Variants in MARK3 observed in about 807,000 individuals in gnomAD.
MARK3 encodes microtubule affinity regulating kinase 3.
A neutral mutation model predicts 90.1 loss-of-function variants in MARK3; 46 were observed. That is an observed-to-expected ratio of 0.51 (90% confidence interval 0.40 to 0.65). The LOEUF is 0.65. MARK3 is among the 30% of genes least tolerant of loss of function. MARK3 has a pLI of 0.00. For synonymous variants in MARK3, 321 were observed against 332.6 expected, an observed-to-expected ratio of 0.97 and a Z score of 0.38; for missense variants, 818 against 947.2, an observed-to-expected ratio of 0.86 and a Z score of 1.79.
intron 14 of MARK3, among the ~76,000 whole-genome samples, chr14:103,484,696 G>A (rs896840557): frequency 2.0e-5 from 3 of 152,154 alleles, no homozygotes; most frequent in Non-Finnish European, 4.4e-5. Context: ...ATTTTAGGAG[G>A]CTGAGGCAGG....
intron 2 of MARK3, among the ~76,000 whole-genome samples, chr14:103,408,376 A>AG (rs1302356105): frequency 2.0e-5 from 3 of 152,018 alleles, no homozygotes; most frequent in African/African-American, 7.3e-5. Flanking sequence ...TTTAGTAGAG[A>AG]GGGGGTTTCA....
chr14:103,405,266 A>C lies in MARK3; in HGVS notation c.242A>C (p.Glu81Ala). 1 of 1,523,382 alleles carries C rather than the reference A, an allele frequency of 6.6e-7. No homozygotes were observed. Among genetic ancestry groups the C allele is most frequent in the Non-Finnish European group, 8.8e-7 (1 of 1,138,340 alleles). 94.4% of individuals were successfully genotyped at this position (1,523,382 alleles called of 1,614,324 possible). A position where few individuals can be genotyped will look rare whatever the true frequency, so the allele number is the denominator to read the frequency against. Reference sequence around the variant, plus strand: ...GCAAGACATATCCTTACAGGCAGAGAGGTAAATACCAGTTATGCTTATTTC... The same window carrying C: ...GCAAGACATATCCTTACAGGCAGAGCGGTAAATACCAGTTATGCTTATTTC... ...KLARHILTGREVAIKIIDKTQ... is the reference protein window; with the variant it reads ...KLARHILTGRAVAIKIIDKTQ... The change falls in exon 2 of 18, where the codon GAG becomes GCG. Residue 81 changes from glutamate (E) to alanine (A), a missense_variant and splice_region_variant. Glu to Ala is a moderately radical substitution (Grantham distance 107). Around this residue, in one of 3 missense-constraint regions of MARK3, gnomAD observed 157 missense variants for 158.7 expected, o/e 0.99. Coordinates refer to ENST00000429436, the MANE Select transcript of MARK3 (RefSeq NM_001128918.3).
chr14:103,402,140 CA>C (rs1320699530), intron 1 of MARK3, among the ~76,000 whole-genome samples: 2 of 152,120 alleles, frequency 1.3e-5, no homozygotes, highest in African/African-American at 2.4e-5. Flanking sequence ...GAACAAAACA[CA>C]AAAAGCCTGT....
intron 1 of MARK3, among the ~76,000 whole-genome samples, chr14:103,389,528 CAAA>C (rs67737305): frequency 2.5e-3 from 127 of 49,856 alleles, no homozygotes; most frequent in Middle Eastern, 0.022. Context: ...ACTCTGTCTC[CAAA>C]AAAAAAAAAA....
chr14:103,388,118 A>G (rs1034038153), intron 1 of MARK3, among the ~76,000 whole-genome samples: 1 of 151,976 alleles, frequency 6.6e-6, no homozygotes, highest in Non-Finnish European at 1.5e-5. Context: ...TTTAGTAGAG[A>G]CGGGGTTTCT....
Position 103,503,352 on chromosome 14 carries a change from G to A in MARK3, c.*125G>A. ...CTAAATCATGAAATTAAAGTCTGAG[G>A]ACGAGAGCACGCCTGGGAGCGAAAG... On this transcript the variant is annotated 3_prime_UTR_variant, in exon 18 of 18. Transcript: ENST00000429436. 1 of 937,566 alleles carries A rather than the reference G, an allele frequency of 1.1e-6. No homozygotes were observed. The highest frequency in any genetic ancestry group is 1.6e-6 in the Non-Finnish European group (1 of 639,216). 58.1% of individuals were successfully genotyped at this position (937,566 alleles called of 1,614,324 possible).
chr14:103,450,440 A>G (rs978291419), intron 4 of MARK3, among the ~76,000 whole-genome samples: 3 of 152,242 alleles, frequency 2.0e-5, no homozygotes, highest in Non-Finnish European at 2.9e-5. Flanking sequence ...TGACCTGATT[A>G]GAGTTTTGTA....
At chr14:103,480,569 T>C in intron 14 of MARK3, 79 bp downstream of exon 14, 1 of 800,746 alleles carries the variant, frequency 1.2e-6, no homozygotes, top group South Asian at 1.6e-5. Flanking sequence ...GCTTTGTTCT[T>C]ATAATCATTT....
chr14:103,395,147 A>G (rs1432756077), intron 1 of MARK3, among the ~76,000 whole-genome samples: 1 of 152,186 alleles, frequency 6.6e-6, no homozygotes, highest in African/African-American at 2.4e-5. Context: ...GTGGAAGACA[A>G]AAATGAGAGT....
chr14:103,393,628 G>A (rs1319561456), intron 1 of MARK3, among the ~76,000 whole-genome samples: 1 of 152,126 alleles, frequency 6.6e-6, no homozygotes, highest in East Asian at 1.9e-4. Context: ...TGTAGCTCAT[G>A]ATATATACAT....
chr14:103,439,655 C>T (rs2141185707), intron 3 of MARK3, among the ~76,000 whole-genome samples: 1 of 152,096 alleles, frequency 6.6e-6, no homozygotes, highest in South Asian at 2.1e-4. Flanking sequence ...GTGATCCACC[C>T]ACCTCAGCCT....
intron 13 of MARK3, among the ~76,000 whole-genome samples, chr14:103,478,630 C>CCTGGGT (rs1555399610): frequency 2.0e-5 from 3 of 151,290 alleles, no homozygotes; most frequent in Non-Finnish European, 4.4e-5. Context: ...AACTCCACCT[C>CCTGGGT]CCGGGTTCAA....
At chr14:103,480,312 TGTAGATAA>T (rs1371317158) in intron 13 of MARK3, 67 bp from the exon 14 acceptor site, 44 of 867,046 alleles carry the variant, frequency 5.1e-5, no homozygotes, top group Middle Eastern at 2.3e-4. Context: ...TTCCTATTTA[TGTAGATAA>T]GTTCATTTTT....
intron 1 of MARK3, among the ~76,000 whole-genome samples, chr14:103,387,555 C>T (rs1328183046): frequency 6.7e-6 from 1 of 150,130 alleles, no homozygotes. Flanking sequence ...TGCAGTGGTG[C>T]GATCTTGGCT....
rs375659079 is a variant in MARK3 at position 103,483,390 on chromosome 14, CTGTG to C, written c.1586+2903_1586+2906del. On this transcript the variant is annotated intron_variant, in intron 14 of 17. Coordinates refer to ENST00000429436, the MANE Select transcript of MARK3 (RefSeq NM_001128918.3). The stretch of plus-strand genomic sequence containing the variant: ...ATAATGATGGCTGATTTTTTAAAAA[CTGTG>C]TGAAGGTTTAAACCAGAGACTCCAC... 3.4e-3 allele frequency among the ~76,000 whole-genome samples: 517 copies of C among 152,172 alleles called. 2 individuals carry two copies. The highest frequency in any genetic ancestry group is 0.012 in the African/African-American group (494 of 41,520).
At chr14:103,442,231 G>A (rs1042757695) in intron 3 of MARK3, among the ~76,000 whole-genome samples, 7 of 152,094 alleles carry the variant, frequency 4.6e-5, no homozygotes, top group South Asian at 2.1e-4. Flanking sequence ...TTAGCTGGGC[G>A]TGGTGGCGGG....
intron 1 of MARK3, among the ~76,000 whole-genome samples, chr14:103,400,780 A>G (rs1410326866): frequency 6.6e-6 from 1 of 151,826 alleles, no homozygotes; most frequent in Non-Finnish European, 1.5e-5. Flanking sequence ...CTGTAGTACC[A>G]GCTACTAAGG....
intron 14 of MARK3, among the ~76,000 whole-genome samples, chr14:103,488,458 C>T (rs1275516774): frequency 1.3e-5 from 2 of 152,172 alleles, no homozygotes; most frequent in East Asian, 1.9e-4. Flanking sequence ...GGCAGAAATA[C>T]GAAACTGGAT....
intron 5 of MARK3, among the ~76,000 whole-genome samples, chr14:103,456,899 T>A (rs2141417867): frequency 6.6e-6 from 1 of 152,370 alleles, no homozygotes; most frequent in Non-Finnish European, 1.5e-5. Flanking sequence ...CTCTTTAAAA[T>A]AAGAGTTATA....
Sources: gnomAD v4.1 joint callset for allele counts (sites outside exome capture counted in the v4.1 genomes callset) on GRCh38, gnomAD v4.1.1 for gene constraint, gnomAD v4.1.1 regional missense constraint, MANE v1.5 for transcripts, NCBI Gene and HGNC (gene_info 2026-07-23, HGNC 2026-07-21) for gene names.